Variants in PTPN21 observed in about 807,000 individuals in gnomAD.
The protein encoded by PTPN21 is protein tyrosine phosphatase non-receptor type 21.
In PTPN21, 77 loss-of-function variants were observed where a neutral mutation model predicts 131.8. The ratio of observed to expected loss-of-function variants is 0.58; its 90% CI spans 0.49 to 0.71. The LOEUF is 0.71. Among genes scored for constraint, PTPN21 ranks in the 30% least tolerant of loss-of-function variants. The pLI, the probability that PTPN21 is intolerant of heterozygous loss-of-function variation, is 0.00. For missense variants in PTPN21, 1,552 were observed against 1,527.1 expected (o/e 1.02, Z -0.27); for synonymous variants, 715 against 621.3 (o/e 1.15, Z -2.24).
intron 2 of PTPN21, among the ~76,000 whole-genome samples, chr14:88,540,023 C>T (rs1487006249): frequency 6.6e-6 from 1 of 152,058 alleles, no homozygotes; most frequent in Non-Finnish European, 1.5e-5. Context: ...TATTTCATAC[C>T]AAACTTGCAG....
In PTPN21 at chr14:88,530,817, T is replaced by C. The variant is rs532704213; in HGVS notation, c.181-13556A>G. The stretch of plus-strand genomic sequence containing the variant: ...TTACTACTAGACCAAAAAAATGAGA[T>C]AGATGGCAACACAGTAATAGTGGGG... On this transcript the variant is annotated intron_variant, in intron 2 of 18. Transcript: ENST00000556564. Among the ~76,000 whole-genome samples, 3 of 151,878 alleles carry C rather than the reference T, an allele frequency of 2.0e-5. No homozygotes were observed. In the East Asian group the frequency reaches 5.8e-4, roughly 29 times the overall value.
chr14:88,504,515 G>C lies in PTPN21; in HGVS notation c.517-20C>G, dbSNP rs570463573. Reference sequence around the variant, plus strand: ...CCATCCCTGAAGAAAACACACAGTGGTAAGTATGTGACAATTCACCCCAAT... The same window carrying C: ...CCATCCCTGAAGAAAACACACAGTGCTAAGTATGTGACAATTCACCCCAAT... On this transcript the variant is annotated intron_variant, in intron 5 of 18. Transcript: ENST00000556564. 6.9e-5 allele frequency: 109 copies of C among 1,585,010 alleles called. No homozygotes were observed. Among genetic ancestry groups the C allele is most frequent in the East Asian group, 5.1e-4 (23 of 44,700 alleles).
chr14:88,551,285 G>A (rs1229756872), intron 1 of PTPN21: 1 of 152,308 alleles, frequency 6.6e-6, no homozygotes, highest in Non-Finnish European at 1.5e-5. Flanking sequence ...CCCTCTCCAG[G>A]GTGGGGACGC....
At chr14:88,523,191 C>A (rs2078423342) in intron 2 of PTPN21, among the ~76,000 whole-genome samples, 3 of 151,844 alleles carry the variant, frequency 2.0e-5, no homozygotes, top group Admixed American at 1.3e-4. Flanking sequence ...ATGCAAAAAT[C>A]CTAAGCAAAT....
intron 2 of PTPN21, among the ~76,000 whole-genome samples, chr14:88,542,702 A>G (rs2078723455): frequency 6.6e-6 from 1 of 152,226 alleles, no homozygotes; most frequent in Non-Finnish European, 1.5e-5. Context: ...TTATATGGCT[A>G]ATTCTTAATT....
rs200008482 is a variant in PTPN21 at position 88,472,239 on chromosome 14, C to T, written c.2871+5G>A. The stretch of plus-strand genomic sequence containing the variant: ...GCTGTTGATTACTTGAGGCGTTCCT[C>T]TCACCTTAATATGTGATGCGTTGAT... On this transcript the variant is annotated splice_donor_5th_base_variant and intron_variant, in intron 15 of 18. Coordinates refer to ENST00000556564, the MANE Select transcript of PTPN21 (RefSeq NM_007039.4). 14 of 1,585,232 alleles carry T rather than the reference C, an allele frequency of 8.8e-6. No homozygotes were observed. Among genetic ancestry groups the T allele is most frequent in the Non-Finnish European group, 1.2e-5 (14 of 1,154,558 alleles).
intron 8 of PTPN21, among the ~76,000 whole-genome samples, chr14:88,497,865 C>A (rs375496120): frequency 6.6e-6 from 1 of 151,654 alleles, no homozygotes; most frequent in Non-Finnish European, 1.5e-5. Context: ...TTTGGGAGGC[C>A]GAGGCAGGTG....
rs773186268 is a variant in PTPN21 at position 88,480,133 on chromosome 14, G to A, written c.1298C>T (p.Pro433Leu). The A allele has an allele frequency of 4.3e-6, 7 of 1,614,152 alleles. No individual in the cohort carries two copies. Among genetic ancestry groups the A allele is most frequent in the East Asian group, 2.2e-5 (1 of 44,880 alleles). The stretch of plus-strand genomic sequence containing the variant: ...TATCACGGCGCTGTGCCGATGGGAC[G>A]GGAGGTAGTCAGGCCTCATGACGTC... ...GSDVMRPDYL[P>L]SHRHSAVIPP... The change falls in exon 13 of 19, where the codon CCG becomes CTG. Residue 433 changes from proline (P) to leucine (L), a missense_variant. This residue lies in a region of PTPN21 where 1,016 missense variants were observed against 883.5 expected (regional missense o/e 1.15). Coordinates refer to ENST00000556564, the MANE Select transcript of PTPN21 (RefSeq NM_007039.4).
At chr14:88,532,847 GTTAC>G (rs913504145) in intron 2 of PTPN21, among the ~76,000 whole-genome samples, 45 of 152,244 alleles carry the variant, frequency 3.0e-4, no homozygotes, top group African/African-American at 1.0e-3. Flanking sequence ...GGAGTCTGGA[GTTAC>G]TTACTAAAGA....
In PTPN21 at chr14:88,518,544, C is replaced by G. The variant is rs911920941; in HGVS notation, c.181-1283G>C. Among the ~76,000 whole-genome samples the G allele has an allele frequency of 2.1e-5, 3 of 143,018 alleles. No homozygotes were observed. The Admixed American group carries it at 2.2e-4, about 10-fold the overall frequency. 93.8% of individuals were successfully genotyped at this position (143,018 alleles called of 152,430 possible). A position where few individuals can be genotyped will look rare whatever the true frequency, so the allele number is the denominator to read the frequency against. ...TTCCCAGGTTCAAGTCATTCTCCTG[C>G]CTCAGCCTCCAGAGTAGCCAAGATT... On this transcript the variant is annotated intron_variant, in intron 2 of 18. Coordinates refer to ENST00000556564, the MANE Select transcript of PTPN21 (RefSeq NM_007039.4).
chr14:88,514,404 T>C (rs534766550), intron 3 of PTPN21, among the ~76,000 whole-genome samples: 19 of 152,320 alleles, frequency 1.2e-4, no homozygotes, highest in Non-Finnish European at 2.1e-4. Flanking sequence ...TATTTTTCTG[T>C]TAAGTCTGCA....
At chr14:88,513,068 G>A (rs551602652) in intron 3 of PTPN21, among the ~76,000 whole-genome samples, 2 of 152,278 alleles carry the variant, frequency 1.3e-5, no homozygotes, top group East Asian at 3.9e-4. Context: ...ACTCTAGTAA[G>A]TTTCAAAGGT....
chr14:88,526,265 T>G (rs1007259069), intron 2 of PTPN21, among the ~76,000 whole-genome samples: 1 of 152,102 alleles, frequency 6.6e-6, no homozygotes, highest in East Asian at 1.9e-4. Flanking sequence ...AGTGGTTAGT[T>G]GTGGCCAGGC....
chr14:88,510,276 A>C (rs1016059017), intron 3 of PTPN21, among the ~76,000 whole-genome samples: 1 of 152,230 alleles, frequency 6.6e-6, no homozygotes, highest in African/African-American at 2.4e-5. Flanking sequence ...TTTGTGTTAC[A>C]TAATGAATGA....
chr14:88,527,752 T>G (rs901064812), intron 2 of PTPN21, among the ~76,000 whole-genome samples: 1 of 152,204 alleles, frequency 6.6e-6, no homozygotes, highest in African/African-American at 2.4e-5. Context: ...GAAGGATTTT[T>G]CTGATGTTAT....
chr14:88,472,696 C>T (rs917995640), intron 14 of PTPN21, among the ~76,000 whole-genome samples: 3 of 151,874 alleles, frequency 2.0e-5, no homozygotes, highest in Non-Finnish European at 4.4e-5. Context: ...ACAGTGAGAC[C>T]CCGTCTCTGC....
intron 2 of PTPN21, among the ~76,000 whole-genome samples, chr14:88,544,122 A>G (rs539443826): frequency 2.6e-5 from 4 of 152,312 alleles, no homozygotes; most frequent in Non-Finnish European, 4.4e-5. Flanking sequence ...AGGTGGGTGG[A>G]TCACCTGAGG....
At position 88,469,817 on chromosome 14, in the gene PTPN21, C is replaced by T. The variant is rs748734297; in HGVS notation, c.3001-84G>A. On this transcript the variant is annotated intron_variant, in intron 16 of 18. Coordinates refer to ENST00000556564, the MANE Select transcript of PTPN21 (RefSeq NM_007039.4). The surrounding 1 kb of genome is among the most constrained non-coding windows in gnomAD (Gnocchi z 4.3). ...ATAGACGGCACATCTGAAACAGAAC[C>T]ACAACCCTACCCTGCCTTTTTCTCC... 1.3e-5 allele frequency: 21 copies of T among 1,601,506 alleles called. No homozygotes were observed. The East Asian group carries it at 4.5e-4, about 34-fold the overall frequency.
At position 88,469,335 on chromosome 14, in the gene PTPN21, T is replaced by C. The variant is rs1215314721; in HGVS notation, c.3235+164A>G. ...CTACTCACTACCAAATCATAATTTA[T>C]AAACCTCGTTAACCCTCCCCAAAAC... On this transcript the variant is annotated intron_variant, in intron 17 of 18. Transcript: ENST00000556564. The surrounding 1 kb of genome is among the most constrained non-coding windows in gnomAD (Gnocchi z 4.3). Among the ~76,000 whole-genome samples the C allele has an allele frequency of 6.6e-6, 1 of 152,162 alleles. No homozygotes were observed. The highest frequency in any genetic ancestry group is 1.5e-5 in the Non-Finnish European group (1 of 68,048).
Sources: allele counts gnomAD v4.1 joint callset (sites outside exome capture counted in the v4.1 genomes callset), GRCh38; gene constraint gnomAD v4.1.1; regional missense constraint gnomAD v4.1.1; non-coding constraint Gnocchi (gnomAD v3.1); transcripts MANE v1.5; gene names NCBI Gene and HGNC (gene_info 2026-07-23, HGNC 2026-07-21).